Variants in LDB3 observed in about 807,000 individuals in gnomAD.
LDB3 encodes the protein LIM domain binding 3.
Under a neutral mutation model 69.0 loss-of-function variants are expected in LDB3, and 49 were observed. The observed-to-expected ratio is 0.71, with a 90% CI of 0.56 to 0.90. The LOEUF (loss-of-function observed/expected upper bound fraction) is 0.90, where lower values mean the gene tolerates loss of function less well. LDB3 is among the 40% of genes least tolerant of loss of function. LDB3 has a pLI of 0.00. For missense variants in LDB3, 928 were observed against 974.1 expected (o/e 0.95, Z 0.63); for synonymous variants, 387 against 396.2 (o/e 0.98, Z 0.28).
In LDB3 at chr10:86,718,059, A is replaced by G. The variant is rs1358579814; in HGVS notation, c.1772A>G (p.Glu591Gly). 1.2e-6 allele frequency: 2 copies of G among 1,614,032 alleles called. No individual in the cohort carries two copies. Among genetic ancestry groups the G allele is most frequent in the Admixed American group, 1.7e-5 (1 of 59,980 alleles). ...KTSLADVCFV[E>G]EQNNVYCERC... ...TCCCTGGCAGATGTGTGCTTTGTGG[A>G]AGAGCAGAACAACGTTTACTGTGAG... Residue 591 changes from glutamate (E) to glycine (G), a missense_variant, in exon 11 of 14, where the codon GAA becomes GGA. Coordinates refer to ENST00000361373, the MANE Select transcript of LDB3 (RefSeq NM_007078.3).
At chr10:86,713,656 A>G (rs1416520100) in intron 9 of LDB3, among the ~76,000 whole-genome samples, 2 of 152,234 alleles carry the variant, frequency 1.3e-5, no homozygotes, top group East Asian at 1.9e-4. Flanking sequence ...AAGTTGTGCT[A>G]GATCACCTCT....
At chr10:86,722,946 A>AT (rs1847132475) in intron 12 of LDB3, among the ~76,000 whole-genome samples, 1 of 152,126 alleles carries the variant, frequency 6.6e-6, no homozygotes, top group Non-Finnish European at 1.5e-5. Context: ...TGTTTGAACC[A>AT]TTTAATTTAA....
At chr10:86,727,671 C>T (rs1388706936) in intron 13 of LDB3, among the ~76,000 whole-genome samples, 1 of 152,188 alleles carries the variant, frequency 6.6e-6, no homozygotes, top group Non-Finnish European at 1.5e-5. Flanking sequence ...AGGCCATAGT[C>T]TCTCTCCGAG....
At position 86,706,471 on chromosome 10, in the gene LDB3, G is replaced by A. The variant is rs1204866988; in HGVS notation, c.897-60G>A. 3.2e-6 allele frequency: 5 copies of A among 1,579,118 alleles called. No homozygotes were observed. The East Asian group carries it at 1.1e-4, about 35-fold the overall frequency. The stretch of plus-strand genomic sequence containing the variant: ...TGCAGCCACCTGCCCCCATGCAGAG[G>A]GGCCTCACAGGGTCTCTAGGCTCCC... On this transcript the variant is annotated intron_variant, in intron 7 of 13. Transcript: ENST00000361373.
At chr10:86,704,693 C>T (rs958135113) in intron 7 of LDB3, among the ~76,000 whole-genome samples, 6 of 152,034 alleles carry the variant, frequency 3.9e-5, no homozygotes, top group Admixed American at 2.0e-4. Context: ...CATTCTCCCG[C>T]CTCAGCCCCC....
intron 8 of LDB3, among the ~76,000 whole-genome samples, chr10:86,707,991 A>C (rs1463396671): frequency 6.6e-6 from 1 of 152,254 alleles, no homozygotes; most frequent in African/African-American, 2.4e-5. Context: ...AGTGGGAAGA[A>C]GCCTCCCAAT....
At chr10:86,684,656 A>G (rs1845361063) in intron 5 of LDB3, among the ~76,000 whole-genome samples, 4 of 152,144 alleles carry the variant, frequency 2.6e-5, no homozygotes, top group African/African-American at 9.7e-5. Context: ...GGGACCACTG[A>G]CTTGAGCCTG....
rs373246666 is a variant in LDB3 at position 86,679,733 on chromosome 10, A to G, written c.245+215A>G. On this transcript the variant is annotated intron_variant, in intron 3 of 13. Transcript: ENST00000361373. Reference sequence around the variant, plus strand: ...GACATTACTGCCTCACTTTACAGTTAAGGCAGAGATGGTGGTCCTGGTGCT... The same window carrying G: ...GACATTACTGCCTCACTTTACAGTTGAGGCAGAGATGGTGGTCCTGGTGCT... Among the ~76,000 whole-genome samples, 4 of 152,340 alleles carry G rather than the reference A, an allele frequency of 2.6e-5. 1 individual carries two copies. Among genetic ancestry groups the G allele is most frequent in the African/African-American group, 7.2e-5 (3 of 41,584 alleles).
At chr10:86,687,362 C>A in intron 5 of LDB3, 1 of 1,314,794 alleles carries the variant, frequency 7.6e-7, no homozygotes, top group Non-Finnish European at 1.1e-6. Context: ...GCTTTCTTCC[C>A]TCACGTTGGA....
Position 86,699,283 on chromosome 10 carries a change from G to T in LDB3, c.896+6712G>T, listed in dbSNP as rs1176383374. 6.2e-7 allele frequency: 1 copy of T among 1,612,446 alleles called. No individual in the cohort carries two copies. The highest frequency in any genetic ancestry group is 8.5e-7 in the Non-Finnish European group (1 of 1,179,662). Reference sequence around the variant, plus strand: ...TCTCTCTCTCTGTGCCACAGGGAAAGGTTTGAAACGGAACGTAACAGCCCA... The same window carrying T: ...TCTCTCTCTCTGTGCCACAGGGAAATGTTTGAAACGGAACGTAACAGCCCA... On this transcript the variant is annotated intron_variant, in intron 7 of 13. Transcript: ENST00000361373. The surrounding 1 kb of genome is among the most constrained non-coding windows in gnomAD (Gnocchi z 4.9).
chr10:86,678,089 G>C (rs1844900391), intron 2 of LDB3, among the ~76,000 whole-genome samples: 1 of 152,164 alleles, frequency 6.6e-6, no homozygotes, highest in African/African-American at 2.4e-5. Flanking sequence ...AGGCTGGAGT[G>C]CAGTGGCATA....
At position 86,693,563 on chromosome 10, in the gene LDB3, A is replaced by G. The variant is rs560198732; in HGVS notation, c.896+992A>G. Among the ~76,000 whole-genome samples, 4 of 152,368 alleles carry G rather than the reference A, an allele frequency of 2.6e-5. No individual in the cohort carries two copies. The South Asian group carries it at 8.3e-4, about 32-fold the overall frequency. ...TTATTTTTGAACCAACACTTTTGCCAACTCAAGTTGCTCCCACTTTTTGGC... is the reference window on the plus strand; with the variant it reads ...TTATTTTTGAACCAACACTTTTGCCGACTCAAGTTGCTCCCACTTTTTGGC... On this transcript the variant is annotated intron_variant, in intron 7 of 13. Transcript: ENST00000361373.
chr10:86,671,371 G>C (rs1008923937), intron 2 of LDB3, among the ~76,000 whole-genome samples: 2 of 152,342 alleles, frequency 1.3e-5, no homozygotes, highest in South Asian at 2.1e-4. Flanking sequence ...CCACCTGCAG[G>C]CTGGGTGGTG....
Position 86,680,095 on chromosome 10 carries a change from A to C in LDB3, c.259A>C (p.Ile87Leu). Residue 87 changes from isoleucine (I) to leucine (L), a missense_variant, in exon 4 of 14, where the codon ATT (isoleucine) becomes CTT (leucine). Transcript: ENST00000361373. Reference sequence around the variant, plus strand: ...TGGTTTCTACAGATCAAAGCGTCCCATTCCCATCTCCACGACAGCACCTCC... The same window carrying C: ...TGGTTTCTACAGATCAAAGCGTCCCCTTCCCATCTCCACGACAGCACCTCC... ...SLTLQKSKRP[I>L]PISTTAPPVQ... 1.2e-6 allele frequency: 2 copies of C among 1,614,156 alleles called. No individual in the cohort carries two copies. Among genetic ancestry groups the C allele is most frequent in the Non-Finnish European group, 1.7e-6 (2 of 1,179,984 alleles).
chr10:86,725,336 C>T (rs1192236475), intron 12 of LDB3, among the ~76,000 whole-genome samples: 1 of 152,130 alleles, frequency 6.6e-6, no homozygotes, highest in East Asian at 1.9e-4. Flanking sequence ...TTCTCATCCA[C>T]AAAACAAAAC....
intron 7 of LDB3, among the ~76,000 whole-genome samples, chr10:86,704,804 G>A (rs1483167588): frequency 2.6e-5 from 4 of 151,288 alleles, no homozygotes; most frequent in Non-Finnish European, 4.4e-5. Context: ...GGATGGTCTC[G>A]ATCTCCTGAC....
rs530786598 is a variant in LDB3 at position 86,679,361 on chromosome 10, A to T, written c.94-6A>T. 3.1e-6 allele frequency: 5 copies of T among 1,613,928 alleles called. No individual in the cohort carries two copies. Among genetic ancestry groups the T allele is most frequent in the Non-Finnish European group, 3.4e-6 (4 of 1,180,014 alleles). ...TGCTCACCCCCCACCTCCACTATCC[A>T]ATCAGATCACACCAGGCAGCAAGGC... On this transcript the variant is annotated splice_polypyrimidine_tract_variant and splice_region_variant and intron_variant, in intron 2 of 13. Coordinates refer to ENST00000361373, the MANE Select transcript of LDB3 (RefSeq NM_007078.3).
intron 2 of LDB3, 36 bp downstream of exon 2, chr10:86,668,820 G>A: frequency 7.2e-6 from 11 of 1,521,330 alleles, no homozygotes; most frequent in Non-Finnish European, 1.0e-5. Flanking sequence ...CACCCGATGG[G>A]GCAGGCACGC....
chr10:86,718,062 A>G lies in LDB3; in HGVS notation c.1775A>G (p.Glu592Gly), dbSNP rs1846939804. Reference protein sequence around the residue: ...TSLADVCFVEEQNNVYCERCY... With the variant: ...TSLADVCFVEGQNNVYCERCY... ...CTGGCAGATGTGTGCTTTGTGGAAG[A>G]GCAGAACAACGTTTACTGTGAGCGA... is the stretch of plus-strand genomic sequence containing the variant. Residue 592 changes from glutamate (E) to glycine (G), a missense_variant, in exon 11 of 14, where the codon GAG becomes GGG. Physicochemically the swap from Glu to Gly is moderately conservative, Grantham distance 98. Transcript: ENST00000361373. 11 of 1,614,026 alleles carry G rather than the reference A, an allele frequency of 6.8e-6. No homozygotes were observed. The highest frequency in any genetic ancestry group is 1.1e-5 in the South Asian group (1 of 91,076).
Sources: gnomAD v4.1 joint callset for allele counts (sites outside exome capture counted in the v4.1 genomes callset) on GRCh38, gnomAD v4.1.1 for gene constraint, Gnocchi (gnomAD v3.1) non-coding constraint, MANE v1.5 for transcripts, NCBI Gene and HGNC (gene_info 2026-07-23, HGNC 2026-07-21) for gene names.